The following CYP1B1 variants were observed in gnomAD, a reference collection of about 807,000 sequenced individuals.
CYP1B1 encodes the protein cytochrome P450 1B1.
CYP1B1 carries 22 observed loss-of-function variants against 29.9 expected under a neutral mutation model. The observed-to-expected ratio is 0.74, with a 90% CI of 0.53 to 1.05. The LOEUF is 1.05. Ranked by LOEUF, CYP1B1 falls within the 50% of genes least tolerant of loss-of-function variation. CYP1B1 has a pLI of 0.00. For synonymous variants in CYP1B1, 375 were observed against 320.0 expected (o/e 1.17, Z -1.83); for missense variants, 883 against 746.9 (o/e 1.18, Z -2.12).
rs1035845063 is a variant in CYP1B1 at position 38,071,150 on chromosome 2, C to G, written c.1204G>C (p.Ala402Pro). The part of the protein sequence containing the change: ...SSFVPVTIPH[A>P]TTANTSVLGY... ...AAGACAGAGGTGTTGGCAGTGGTGG[C>G]ATGAGGAATAGTGACAGGCACAAAG... Residue 402 changes from alanine (A) to proline (P), a missense_variant, in exon 3 of 3, where the codon GCC becomes CCC. By Grantham distance (27) the Ala-to-Pro change is conservative. Transcript: ENST00000610745. 2 of 1,613,926 alleles carry G rather than the reference C, an allele frequency of 1.2e-6. No homozygotes were observed. Among genetic ancestry groups the G allele is most frequent in the Non-Finnish European group, 1.7e-6 (2 of 1,179,888 alleles).
chr2:38,068,778 C>A lies in CYP1B1; in HGVS notation c.*1944G>T. 1 of 225,002 alleles carries A rather than the reference C, an allele frequency of 4.4e-6. No homozygotes were observed. Among genetic ancestry groups the A allele is most frequent in the East Asian group, 6.5e-5 (1 of 15,478 alleles). 13.9% of individuals were successfully genotyped at this position (225,002 alleles called of 1,614,324 possible). ...TTAATAGCCTATTTGAGATTTAACTCTGCTACGCCAAACATCTTTCTTCTA... is the reference window on the plus strand; with the variant it reads ...TTAATAGCCTATTTGAGATTTAACTATGCTACGCCAAACATCTTTCTTCTA... On this transcript the variant is annotated 3_prime_UTR_variant, in exon 3 of 3. Coordinates refer to ENST00000610745, the MANE Select transcript of CYP1B1 (RefSeq NM_000104.4).
In CYP1B1 at chr2:38,075,332, C is replaced by A. The variant is rs1445720234; in HGVS notation, c.57G>T (p.Gln19His). 6.2e-7 allele frequency: 1 copy of A among 1,612,934 alleles called. No individual in the cohort carries two copies. The highest frequency in any genetic ancestry group is 2.2e-5 in the East Asian group (1 of 44,868). ...ACAGGAGTAGCAGGAGCGTGGTCTG[C>A]TGGATGGACAGCGGGTTTAGCGGCC... is the stretch of plus-strand genomic sequence containing the variant. ...DPWPLNPLSI[Q>H]QTTLLLLLSV... Residue 19 changes from glutamine to histidine, a missense_variant, in exon 2 of 3, where the codon CAG (glutamine) becomes CAT (histidine). Physicochemically the swap from Gln to His is conservative, Grantham distance 24 (BLOSUM62 0). Coordinates refer to ENST00000610745, the MANE Select transcript of CYP1B1 (RefSeq NM_000104.4).
Position 38,074,903 on chromosome 2 carries a change from G to A in CYP1B1, c.486C>T (p.Ser162=), listed in dbSNP as rs1206971842. The A allele has an allele frequency of 1.3e-6, 2 of 1,555,116 alleles. No homozygotes were observed. The highest frequency in any genetic ancestry group is 1.7e-6 in the Non-Finnish European group (2 of 1,154,486). The change falls in exon 2 of 3, where the codon AGC becomes AGT. Residue 162 remains serine, a synonymous_variant. Transcript: ENST00000610745. Reference sequence around the variant, plus strand: ...GCACGTGGCCCTCGAGGACTTGGCGGCTGCGCGGCTGGCGCGTGAAGAAGT... The same window carrying A: ...GCACGTGGCCCTCGAGGACTTGGCGACTGCGCGGCTGGCGCGTGAAGAAGT... ...MRNFFTRQPR[S]RQVLEGHVLS...
chr2:38,074,498 G>C lies in CYP1B1; in HGVS notation c.891C>G (p.Ile297Met). The change falls in exon 2 of 3, where the codon ATC becomes ATG. Residue 297 changes from isoleucine (I) to methionine (M), a missense_variant. By Grantham distance (10) the Ile-to-Met change is conservative (BLOSUM62 1). Coordinates refer to ENST00000610745, the MANE Select transcript of CYP1B1 (RefSeq NM_000104.4). ...CGGCCGCCTTCTTTTCCGCAGAGAG[G>C]ATAAAGGCGTCCATCATGTCGCGGG... Reference protein sequence around the residue: ...AAPRDMMDAFILSAEKKAAGD... With the variant: ...AAPRDMMDAFMLSAEKKAAGD... 1.2e-6 allele frequency: 2 copies of C among 1,611,504 alleles called. No individual in the cohort carries two copies. The highest frequency in any genetic ancestry group is 1.7e-6 in the Non-Finnish European group (2 of 1,179,170).
Position 38,068,619 on chromosome 2 carries a change from A to G in CYP1B1, c.*2103T>C, listed in dbSNP as rs1275685066. On this transcript the variant is annotated 3_prime_UTR_variant, in exon 3 of 3. Coordinates refer to ENST00000610745, the MANE Select transcript of CYP1B1 (RefSeq NM_000104.4). ...TGGGCAAGCCTGCTTTGTGTAGTTGACTCTAATGCCTTTAAAAATACTGGC... is the reference window on the plus strand; with the variant it reads ...TGGGCAAGCCTGCTTTGTGTAGTTGGCTCTAATGCCTTTAAAAATACTGGC... The G allele has an allele frequency of 4.4e-6, 1 of 227,636 alleles. No homozygotes were observed. The highest frequency in any genetic ancestry group is 8.7e-6 in the Non-Finnish European group (1 of 114,286). 14.1% of individuals were successfully genotyped at this position (227,636 alleles called of 1,614,324 possible). A position where few individuals can be genotyped will look rare whatever the true frequency, so the allele number is the denominator to read the frequency against.
chr2:38,068,596 G>A lies in CYP1B1; in HGVS notation c.*2126C>T, dbSNP rs996749387. The A allele has an allele frequency of 4.4e-6, 1 of 227,784 alleles. No homozygotes were observed. The highest frequency in any genetic ancestry group is 2.2e-5 in the African/African-American group (1 of 45,028). The allele number at this position is 227,784 out of a possible 1,614,324, so 14.1% of individuals were successfully genotyped here. On this transcript the variant is annotated 3_prime_UTR_variant, in exon 3 of 3. Transcript: ENST00000610745. ...AGTGCCAAAAAATTTAAATGTACTG[G>A]GCAAGCCTGCTTTGTGTAGTTGACT...
At chr2:38,072,949 A>C (rs1682458453) in intron 2 of CYP1B1, among the ~76,000 whole-genome samples, 2 of 152,198 alleles carry the variant, frequency 1.3e-5, no homozygotes, top group South Asian at 2.1e-4. Context: ...AAATTGTTTT[A>C]TTTCTTTTTG....
chr2:38,071,270 G>A lies in CYP1B1; in HGVS notation c.1084C>T (p.Gln362Ter), dbSNP rs1682429243. The A allele has an allele frequency of 6.2e-7, 1 of 1,613,062 alleles. No individual in the cohort carries two copies. The highest frequency in any genetic ancestry group is 8.5e-7 in the Non-Finnish European group (1 of 1,180,044). Residue 362 changes from glutamine to a stop codon, truncating the protein, a stop_gained, in exon 3 of 3, where the codon CAG becomes TAG. Coordinates refer to ENST00000610745, the MANE Select transcript of CYP1B1 (RefSeq NM_000104.4). LOFTEE classifies it high-confidence loss of function. ...VQTRVQAELDQVVGRDRLPCM... is the reference protein window; with the variant it reads ...VQTRVQAELD ...GGCAGACGGTCCCTCCCCACGACCT[G>A]ATCCAATTCTGCCTGCACTCGAGTC...
Position 38,074,634 on chromosome 2 carries a change from T to A in CYP1B1, c.755A>T (p.Asn252Ile), listed in dbSNP as rs765972551. The A allele has an allele frequency of 1.9e-6, 3 of 1,613,316 alleles. No individual in the cohort carries two copies. In the African/African-American group the frequency reaches 4.0e-5, roughly 22 times the overall value. The change falls in exon 2 of 3, where the codon AAC (asparagine) becomes ATC (isoleucine). Residue 252 changes from asparagine (N) to isoleucine (I), a missense_variant. Coordinates refer to ENST00000610745, the MANE Select transcript of CYP1B1 (RefSeq NM_000104.4). ...TTCGCGGAAAACGGTGCGCACCGGG[T>A]TGGGGAAGTACTGCAGCCAGGGCAT... ...DVMPWLQYFP[N>I]PVRTVFREFE...
Position 38,070,488 on chromosome 2 carries a change from T to A in CYP1B1, c.*234A>T. The A allele has an allele frequency of 3.6e-6, 2 of 555,526 alleles. No individual in the cohort carries two copies. The highest frequency in any genetic ancestry group is 6.4e-6 in the Non-Finnish European group (2 of 313,950). The allele number at this position is 555,526 out of a possible 1,614,324, so 34.4% of individuals were successfully genotyped here. ...GATGCAGTATGTATATAATAATTCA[T>A]TGGGCCCTTTAAGTCTTTGACTCAA... On this transcript the variant is annotated 3_prime_UTR_variant, in exon 3 of 3. Transcript: ENST00000610745.
chr2:38,070,069 C>A lies in CYP1B1; in HGVS notation c.*653G>T, dbSNP rs750902586. The A allele has an allele frequency of 9.5e-6, 2 of 209,734 alleles. No homozygotes were observed. The highest frequency in any genetic ancestry group is 1.9e-5 in the Non-Finnish European group (2 of 103,438). 13.0% of individuals were successfully genotyped at this position (209,734 alleles called of 1,614,324 possible). On this transcript the variant is annotated 3_prime_UTR_variant, in exon 3 of 3. Coordinates refer to ENST00000610745, the MANE Select transcript of CYP1B1 (RefSeq NM_000104.4). ...TACTCACTAATTCAACTATTGATTT[C>A]TTTTTGAGCAACTGACTTTATGATT...
In CYP1B1 at chr2:38,070,762, C is replaced by T; in HGVS notation, c.1592G>A (p.Ser531Asn). ...CTTGGCTTGTAAATTTTGGACAGCACTATCAAGGAGCTCCATGGACTCTCT... is the reference window on the plus strand; with the variant it reads ...CTTGGCTTGTAAATTTTGGACAGCATTATCAAGGAGCTCCATGGACTCTCT... ...TLRESMELLDSAVQNLQAKET... is the reference protein window; with the variant it reads ...TLRESMELLDNAVQNLQAKET... Residue 531 changes from serine to asparagine, a missense_variant, in exon 3 of 3, where the codon AGT becomes AAT. By Grantham distance (46) the Ser-to-Asn change is conservative. Transcript: ENST00000610745. 2 of 1,614,232 alleles carry T rather than the reference C, an allele frequency of 1.2e-6. No individual in the cohort carries two copies. Among genetic ancestry groups the T allele is most frequent in the Non-Finnish European group, 1.7e-6 (2 of 1,180,038 alleles).
Position 38,074,647 on chromosome 2 carries a change from G to C in CYP1B1, c.742C>G (p.Gln248Glu). ...GSLVDVMPWL[Q>E]YFPNPVRTVF... is the part of the protein sequence containing the mutation. ...GTGCGCACCGGGTTGGGGAAGTACT[G>C]CAGCCAGGGCATCACGTCCACCAGG... Residue 248 changes from glutamine (Q) to glutamate (E), a missense_variant, in exon 2 of 3, where the codon CAG (glutamine) becomes GAG (glutamate). Gln to Glu is a conservative substitution (Grantham distance 29). Transcript: ENST00000610745. 1.2e-6 allele frequency: 2 copies of C among 1,613,462 alleles called. No homozygotes were observed. Among genetic ancestry groups the C allele is most frequent in the Non-Finnish European group, 1.7e-6 (2 of 1,180,022 alleles).
intron 2 of CYP1B1, among the ~76,000 whole-genome samples, chr2:38,071,783 C>T (rs947058733): frequency 6.6e-6 from 1 of 152,074 alleles, no homozygotes; most frequent in East Asian, 1.9e-4. Context: ...ATCTTTATAT[C>T]AGGGTAGTCA....
At position 38,067,827 on chromosome 2, in the gene CYP1B1, C is replaced by G. The variant is rs1558600231; in HGVS notation, c.*2895G>C. The G allele has an allele frequency of 5.4e-6, 1 of 186,402 alleles. No individual in the cohort carries two copies. Among genetic ancestry groups the G allele is most frequent in the Non-Finnish European group, 1.1e-5 (1 of 87,958 alleles). The allele number at this position is 186,402 out of a possible 1,614,324, so 11.5% of individuals were successfully genotyped here. A position where few individuals can be genotyped will look rare whatever the true frequency, so the allele number is the denominator to read the frequency against. ...AAGAAAAGATTAAATAAGAAGGTAT[C>G]CTTGAGTTATAAATGTCTACTAAAG... On this transcript the variant is annotated 3_prime_UTR_variant, in exon 3 of 3. Coordinates refer to ENST00000610745, the MANE Select transcript of CYP1B1 (RefSeq NM_000104.4).
At position 38,071,507 on chromosome 2, in the gene CYP1B1, A is replaced by T. The variant is rs567374091; in HGVS notation, c.1044-197T>A. On this transcript the variant is annotated intron_variant, in intron 2 of 2. Transcript: ENST00000610745. ...ACTAAATTACAAGATGGACTTTAAGAATTATATTTCCTGTAATAGGCCTTG... is the reference window on the plus strand; with the variant it reads ...ACTAAATTACAAGATGGACTTTAAGTATTATATTTCCTGTAATAGGCCTTG... Among the ~76,000 whole-genome samples the T allele has an allele frequency of 2.0e-5, 3 of 152,332 alleles. No homozygotes were observed. The South Asian group carries it at 6.2e-4, about 32-fold the overall frequency.
rs921692721 is a variant in CYP1B1, at chr2:38,069,620, C to T, written c.*1102G>A. ...CATCTTAGGATCTAATTTTGAGATT[C>T]GCCAAAATTTGAGTGAAGAAAAGAA... On this transcript the variant is annotated 3_prime_UTR_variant, in exon 3 of 3. Transcript: ENST00000610745. The T allele has an allele frequency of 3.5e-5, 7 of 199,454 alleles. No individual in the cohort carries two copies. Among genetic ancestry groups the T allele is most frequent in the East Asian group, 7.8e-5 (1 of 12,756 alleles). The allele number at this position is 199,454 out of a possible 1,614,324, so 12.4% of individuals were successfully genotyped here.
chr2:38,074,396 G>C lies in CYP1B1; in HGVS notation c.993C>G (p.Ser331Arg). 6.2e-7 allele frequency: 1 copy of C among 1,613,524 alleles called. No homozygotes were observed. Among genetic ancestry groups the C allele is most frequent in the Non-Finnish European group, 8.5e-7 (1 of 1,180,002 alleles). Residue 331 changes from serine (S) to arginine (R), a missense_variant, in exon 2 of 3, where the codon AGC becomes AGG. Ser to Arg is a moderately radical substitution (Grantham distance 110). Coordinates refer to ENST00000610745, the MANE Select transcript of CYP1B1 (RefSeq NM_000104.4). ...PATITDIFGA[S>R]QDTLSTALQW... ...GCAGCGCGGTGGACAGGGTGTCCTG[G>C]CTGGCGCCGAAGATGTCAGTGATAG...
intron 2 of CYP1B1, chr2:38,073,932 G>A (rs904971119): frequency 4.9e-6 from 1 of 203,454 alleles, no homozygotes; most frequent in Admixed American, 5.4e-5. Context: ...CCTAGGAGAG[G>A]CTGCTGTGTT....
Sources: allele counts gnomAD v4.1 joint callset (sites outside exome capture counted in the v4.1 genomes callset), GRCh38; gene constraint gnomAD v4.1.1; transcripts MANE v1.5; gene names NCBI Gene and HGNC (gene_info 2026-07-23, HGNC 2026-07-21).